Variants in DNAH9 observed in about 807,000 individuals in gnomAD.
DNAH9 encodes the protein dynein axonemal heavy chain 9, also known as DNAH9 variant protein.
DNAH9 carries 345 observed loss-of-function variants against 471.6 expected under a neutral mutation model. The ratio of observed to expected loss-of-function variants is 0.73; its 90% CI spans 0.67 to 0.80. The LOEUF is 0.80. Among genes scored for constraint, DNAH9 ranks in the 30% least tolerant of loss-of-function variants. DNAH9 has a pLI of 0.00. For synonymous variants in DNAH9, 2,093 were observed against 2,123.6 expected, an observed-to-expected ratio of 0.99 and a Z score of 0.40; for missense variants, 5,407 against 5,609.2, an observed-to-expected ratio of 0.96 and a Z score of 1.15.
chr17:11,628,270 C>T lies in DNAH9; in HGVS notation c.1351-1147C>T, dbSNP rs748429951. Among the ~76,000 whole-genome samples the T allele has an allele frequency of 4.6e-5, 7 of 152,320 alleles. No homozygotes were observed. In the South Asian group the frequency reaches 6.2e-4, roughly 14 times the overall value. On this transcript the variant is annotated intron_variant, in intron 6 of 68. Transcript: ENST00000262442. ...GCTCAGGAGGAAGCTCCAATCCTAT[C>T]GGAGGTGAGGCAGCTTCCGTGGACT...
intron 65 of DNAH9, among the ~76,000 whole-genome samples, chr17:11,935,906 GA>G (rs1352224607): frequency 8.5e-5 from 13 of 152,162 alleles, no homozygotes. Context: ...AAAATAAGAG[GA>G]AATGTTTTTA....
intron 59 of DNAH9, among the ~76,000 whole-genome samples, chr17:11,901,445 C>T (rs973428831): frequency 6.6e-6 from 1 of 152,152 alleles, no homozygotes; most frequent in Non-Finnish European, 1.5e-5. Flanking sequence ...CCCGTAATCC[C>T]AACTCTTTGG....
At chr17:11,676,275 C>CTTTTTTTTTTTTT (rs67397847) in intron 17 of DNAH9, among the ~76,000 whole-genome samples, 2 of 73,882 alleles carry the variant, frequency 2.7e-5, no homozygotes, top group African/African-American at 4.8e-5. Flanking sequence ...CATTTCTGTT[C>CTTTTTTTTTTTTT]TTTTTTTTTT....
chr17:11,607,451 C>T (rs534841460), intron 1 of DNAH9, among the ~76,000 whole-genome samples: 65 of 152,326 alleles, frequency 4.3e-4, no homozygotes, highest in African/African-American at 1.5e-3. Context: ...CTGGATCTCA[C>T]TGGGGGACGC....
chr17:11,889,375 TGAG>T (rs1318796902), intron 57 of DNAH9, among the ~76,000 whole-genome samples: 39 of 152,196 alleles, frequency 2.6e-4, no homozygotes, highest in African/African-American at 9.2e-4. Context: ...CATTTAAAAA[TGAG>T]GAGAAGTTAT....
chr17:11,650,613 G>T (rs149583254), intron 12 of DNAH9, among the ~76,000 whole-genome samples: 47 of 152,140 alleles, frequency 3.1e-4, no homozygotes, highest in Non-Finnish European at 8.8e-5. Flanking sequence ...CCAGTGTCTC[G>T]CTATAACTGT....
intron 52 of DNAH9, among the ~76,000 whole-genome samples, chr17:11,874,717 C>T (rs1972408999): frequency 1.3e-5 from 2 of 151,630 alleles, no homozygotes; most frequent in African/African-American, 4.8e-5. Flanking sequence ...AAGAATCAGT[C>T]ACACGAGTTG....
At position 11,745,028 on chromosome 17, in the gene DNAH9, G is replaced by C; in HGVS notation, c.6343G>C (p.Val2115Leu). 1.2e-6 allele frequency: 2 copies of C among 1,614,174 alleles called. No homozygotes were observed. The highest frequency in any genetic ancestry group is 1.7e-6 in the Non-Finnish European group (2 of 1,180,020). ...RRRDPNFEAL[V>L]RKAIVDLKLQ... ...GAGAGACCCCAACTTCGAAGCTTTGGTTAGGAAGGCGATAGTGGATCTGAA... is the reference window on the plus strand; with the variant it reads ...GAGAGACCCCAACTTCGAAGCTTTGCTTAGGAAGGCGATAGTGGATCTGAA... Residue 2115 changes from valine (V) to leucine (L), a missense_variant, in exon 31 of 69, where the codon GTT becomes CTT. Around this residue, in one of 3 missense-constraint regions of DNAH9, gnomAD observed 4,636 missense variants for 4,900.3 expected, o/e 0.95. Transcript: ENST00000262442.
At chr17:11,708,855 G>A (rs901307083) in intron 26 of DNAH9, among the ~76,000 whole-genome samples, 1 of 152,068 alleles carries the variant, frequency 6.6e-6, no homozygotes, top group Admixed American at 6.6e-5. Context: ...AGATAACATT[G>A]ACCTTCATTT....
chr17:11,962,184 G>A lies in DNAH9; in HGVS notation c.13161G>A (p.Glu4387=), dbSNP rs532090018. ...QCDMTKKNRE[E]FRSPPREGAY... is the part of the protein sequence containing the mutation. ...ACATGACGAAGAAGAACAGAGAAGAGTTTAGGAGTCCTCCTCGGGAAGGGG... is the reference window on the plus strand; with the variant it reads ...ACATGACGAAGAAGAACAGAGAAGAATTTAGGAGTCCTCCTCGGGAAGGGG... Residue 4387 remains glutamate (E), a synonymous_variant, in exon 68 of 69, where the codon GAG becomes GAA. Transcript: ENST00000262442. This position sits in a 1 kb window ranked among gnomAD's most constrained non-coding sequence, Gnocchi z 4.1. The A allele has an allele frequency of 1.7e-5, 27 of 1,614,184 alleles. No individual in the cohort carries two copies. The South Asian group carries it at 3.0e-4, about 18-fold the overall frequency.
intron 41 of DNAH9, among the ~76,000 whole-genome samples, chr17:11,789,843 T>C (rs1969003120): frequency 6.6e-6 from 1 of 152,078 alleles, no homozygotes; most frequent in Non-Finnish European, 1.5e-5. Context: ...AATTTATCTC[T>C]AATCACACCA....
intron 26 of DNAH9, among the ~76,000 whole-genome samples, chr17:11,712,973 G>A (rs2074899338): frequency 6.6e-6 from 1 of 151,828 alleles, no homozygotes; most frequent in Non-Finnish European, 1.5e-5. Flanking sequence ...ATGACATGGG[G>A]GTTCGTGGTA....
intron 52 of DNAH9, among the ~76,000 whole-genome samples, chr17:11,872,834 G>T (rs1220012336): frequency 6.6e-6 from 1 of 152,154 alleles, no homozygotes; most frequent in Non-Finnish European, 1.5e-5. Flanking sequence ...GCAGGAGAAT[G>T]GCGTGAACCC....
At chr17:11,699,710 T>G in intron 22 of DNAH9, 21 bp from the exon 23 acceptor site, 1 of 1,612,672 alleles carries the variant, frequency 6.2e-7, no homozygotes, top group African/African-American at 1.3e-5. Flanking sequence ...TATGATCCAT[T>G]GGCCTGGTTT....
intron 22 of DNAH9, among the ~76,000 whole-genome samples, chr17:11,696,681 A>T (rs1325383984): frequency 6.6e-6 from 1 of 152,190 alleles, no homozygotes; most frequent in Non-Finnish European, 1.5e-5. Flanking sequence ...AGTACTAAAG[A>T]GAGATTATCC....
chr17:11,701,251 T>C lies in DNAH9; in HGVS notation c.5151+4T>C, dbSNP rs561327314. On this transcript the variant is annotated splice_donor_region_variant and intron_variant, in intron 24 of 68. Coordinates refer to ENST00000262442, the MANE Select transcript of DNAH9 (RefSeq NM_001372.4). ...GCTTTTTGACCACCCAGCTCAGGTA[T>C]TCTCCTAATGGGATCCCCATCCTCC... The C allele has an allele frequency of 1.2e-6, 2 of 1,612,946 alleles. No individual in the cohort carries two copies. Among genetic ancestry groups the C allele is most frequent in the South Asian group, 2.2e-5 (2 of 91,028 alleles).
chr17:11,834,505 T>C, intron 48 of DNAH9, 133 bp from the exon 49 acceptor site: 1 of 1,063,780 alleles, frequency 9.4e-7, no homozygotes, highest in South Asian at 1.6e-5. Context: ...TGTACCTTTG[T>C]ATCAGGAGCT....
intron 22 of DNAH9, 30 bp from the exon 23 acceptor site, chr17:11,699,701 A>T: frequency 1.2e-6 from 2 of 1,609,594 alleles, no homozygotes; most frequent in Non-Finnish European, 1.7e-6. Flanking sequence ...AACATGTTTT[A>T]TGATCCATTG....
In DNAH9 at chr17:11,869,365, A is replaced by G. The variant is rs1972178956; in HGVS notation, c.10053+112A>G. On this transcript the variant is annotated intron_variant, in intron 51 of 68. Coordinates refer to ENST00000262442, the MANE Select transcript of DNAH9 (RefSeq NM_001372.4). ...ACAGCAGCGCTTTGACTTGGAGGGA[A>G]GTATTAAAATGTGCTGAAATGCAGG... 16 of 1,422,452 alleles carry G rather than the reference A, an allele frequency of 1.1e-5. No individual in the cohort carries two copies. In the South Asian group the frequency reaches 1.5e-4, roughly 13 times the overall value. The allele number at this position is 1,422,452 out of a possible 1,614,324, so 88.1% of individuals were successfully genotyped here.
Sources: gnomAD v4.1 joint callset for allele counts (sites outside exome capture counted in the v4.1 genomes callset) on GRCh38, gnomAD v4.1.1 for gene constraint, gnomAD v4.1.1 regional missense constraint, Gnocchi (gnomAD v3.1) non-coding constraint, MANE v1.5 for transcripts, NCBI Gene and HGNC (gene_info 2026-07-23, HGNC 2026-07-21) for gene names.